ODAD2: variants seen among roughly 807,000 people sequenced by gnomAD.
The protein encoded by ODAD2 is outer dynein arm docking complex subunit 2, also known as outer dynein arm-docking complex subunit 2.
In ODAD2, 89 loss-of-function variants were observed where a neutral mutation model predicts 106.8. The ratio of observed to expected loss-of-function variants is 0.83; its 90% confidence interval spans 0.70 to 0.99. The LOEUF is 0.99. ODAD2 is among the 50% of genes least tolerant of loss of function. The pLI is 0.00. For missense variants in ODAD2, 1,168 were observed against 1,238.5 expected, an observed-to-expected ratio of 0.94 and a Z score of 0.85; for synonymous variants, 404 against 436.2, an observed-to-expected ratio of 0.93 and a Z score of 0.92.
chr10:27,965,613 C>T (rs1024309898), intron 9 of ODAD2, among the ~76,000 whole-genome samples: 5 of 152,114 alleles, frequency 3.3e-5, no homozygotes, highest in African/African-American at 1.2e-4. Flanking sequence ...ATCCAGCCTG[C>T]CACCCCCTGG....
intron 10 of ODAD2, chr10:27,957,530 A>G (rs1033892098): frequency 7.9e-5 from 12 of 152,244 alleles, no homozygotes; most frequent in African/African-American, 2.9e-4. Context: ...TCAGTAAGGT[A>G]GCTGAAAAGG....
intron 17 of ODAD2, among the ~76,000 whole-genome samples, chr10:27,865,005 G>A (rs1220712997): frequency 1.3e-5 from 2 of 152,086 alleles, no homozygotes; most frequent in African/African-American, 2.4e-5. Flanking sequence ...TCAACTGAGT[G>A]ATCATTAGAA....
intron 2 of ODAD2, among the ~76,000 whole-genome samples, chr10:27,988,337 CTT>C (rs5784035): frequency 0.29 from 36,491 of 127,994 alleles, 3,709 homozygotes; most frequent in Middle Eastern, 0.36. Context: ...CCTGATCTAG[CTT>C]TTTTTTTTTT....
At chr10:27,852,124 T>G (rs74127132) in intron 19 of ODAD2, among the ~76,000 whole-genome samples, 2,846 of 152,306 alleles carry the variant, frequency 0.019, 102 homozygotes, top group African/African-American at 0.064. Context: ...TTTTTAGATA[T>G]ATAAGACCTG....
intron 17 of ODAD2, among the ~76,000 whole-genome samples, chr10:27,875,085 C>T (rs942460517): frequency 1.3e-5 from 2 of 152,186 alleles, no homozygotes; most frequent in Non-Finnish European, 2.9e-5. Context: ...AACTTCTCTT[C>T]TCGCTTCATT....
chr10:27,876,944 C>T (rs969949221), intron 17 of ODAD2, among the ~76,000 whole-genome samples: 1 of 152,094 alleles, frequency 6.6e-6, no homozygotes, highest in Non-Finnish European at 1.5e-5. Flanking sequence ...CAGATACTTC[C>T]CCCATTAATT....
At chr10:27,956,718 C>A (rs956555670) in intron 10 of ODAD2, among the ~76,000 whole-genome samples, 38 of 152,202 alleles carry the variant, frequency 2.5e-4, no homozygotes, top group African/African-American at 8.7e-4. Context: ...AAAACCATAC[C>A]CACTCCACCT....
In ODAD2 at chr10:27,908,809, A is replaced by G. The variant is rs530688519; in HGVS notation, c.2496-1032T>C. Among the ~76,000 whole-genome samples the G allele has an allele frequency of 5.3e-5, 8 of 152,282 alleles. No individual in the cohort carries two copies. The South Asian group carries it at 1.7e-3, about 32-fold the overall frequency. On this transcript the variant is annotated intron_variant, in intron 16 of 19. Transcript: ENST00000305242. ...TTTTCAAGTAGGAGATCAGTTTTGCATAACTTTATAAAATTGGTGACGCTG... is the reference window on the plus strand; with the variant it reads ...TTTTCAAGTAGGAGATCAGTTTTGCGTAACTTTATAAAATTGGTGACGCTG...
At chr10:27,894,240 T>C (rs1842728222) in intron 17 of ODAD2, among the ~76,000 whole-genome samples, 1 of 152,144 alleles carries the variant, frequency 6.6e-6, no homozygotes, top group Non-Finnish European at 1.5e-5. Flanking sequence ...TTACAAAATA[T>C]TCATTGAAAA....
chr10:27,877,286 A>G (rs1302628953), intron 17 of ODAD2, among the ~76,000 whole-genome samples: 1 of 152,186 alleles, frequency 6.6e-6, no homozygotes, highest in African/African-American at 2.4e-5. Context: ...CAGCCACAGC[A>G]CTGGGGCCAT....
chr10:27,998,325 C>T (rs999273560), intron 1 of ODAD2, among the ~76,000 whole-genome samples: 1 of 152,132 alleles, frequency 6.6e-6, no homozygotes, highest in African/African-American at 2.4e-5. Flanking sequence ...GGATGACGGC[C>T]CCCACCAGAC....
At chr10:27,915,217 A>G (rs552750778) in intron 16 of ODAD2, among the ~76,000 whole-genome samples, 29 of 152,308 alleles carry the variant, frequency 1.9e-4, no homozygotes, top group Non-Finnish European at 3.4e-4. Context: ...ACCAAAGAAA[A>G]AAAATGCATA....
chr10:27,937,684 T>A (rs1590072951), intron 14 of ODAD2, among the ~76,000 whole-genome samples: 2 of 152,154 alleles, frequency 1.3e-5, no homozygotes, highest in African/African-American at 4.8e-5. Flanking sequence ...TGCCATGTGA[T>A]CCAGATATGT....
At chr10:27,817,881 G>A in intron 19 of ODAD2, among the ~76,000 whole-genome samples, 1 of 151,932 alleles carries the variant, frequency 6.6e-6, no homozygotes. Flanking sequence ...TCAAATGGCT[G>A]TTTACAGACA....
chr10:27,941,222 G>A (rs1334288396), intron 12 of ODAD2, among the ~76,000 whole-genome samples: 1 of 151,862 alleles, frequency 6.6e-6, no homozygotes, highest in Non-Finnish European at 1.5e-5. Flanking sequence ...ACTGGCTCAC[G>A]CCTGTAATCA....
At chr10:27,841,948 G>T (rs928060083) in intron 19 of ODAD2, among the ~76,000 whole-genome samples, 1 of 151,930 alleles carries the variant, frequency 6.6e-6, no homozygotes, top group African/African-American at 2.4e-5. Flanking sequence ...GTGGAGATAG[G>T]GTCTCCCTAT....
intron 17 of ODAD2, among the ~76,000 whole-genome samples, chr10:27,866,989 T>C (rs976598481): frequency 7.2e-5 from 11 of 152,256 alleles, no homozygotes; most frequent in South Asian, 6.2e-4. Flanking sequence ...CTTTTTTTTT[T>C]CTCAAGAAAA....
In ODAD2 at chr10:27,968,923, C is replaced by T. The variant is rs7920186; in HGVS notation, c.1238G>A (p.Arg413Gln). ...CTCGTCTTGCTGACCAGAAACATAC[C>T]GAAGTAATTGTGCTCTTCCGTGTGA... ...SVSHGRAQLL[R>Q]KSAEKIEETV... The change falls in exon 9 of 20, where the codon CGG (arginine) becomes CAG (glutamine). Residue 413 changes from arginine (R) to glutamine (Q), a missense_variant and splice_region_variant. Physicochemically the swap from Arg to Gln is conservative, Grantham distance 43 (BLOSUM62 1). Coordinates refer to ENST00000305242, the MANE Select transcript of ODAD2 (RefSeq NM_018076.5). 66,835 of 603,182 alleles carry T rather than the reference C, an allele frequency of 0.11. 2,965 individuals carry two copies. Among genetic ancestry groups the T allele is most frequent in the African/African-American group, 0.16 (6,993 of 44,810 alleles). The allele number at this position is 603,182 out of a possible 1,614,324, so 37.4% of individuals were successfully genotyped here.
At chr10:27,897,543 C>T (rs1385316605) in intron 17 of ODAD2, among the ~76,000 whole-genome samples, 2 of 152,190 alleles carry the variant, frequency 1.3e-5, no homozygotes, top group African/African-American at 4.8e-5. Context: ...TCCACACTGC[C>T]ATGGTGTTAG....
Sources: allele counts gnomAD v4.1 joint callset (sites outside exome capture counted in the v4.1 genomes callset), GRCh38; gene constraint gnomAD v4.1.1; transcripts MANE v1.5; gene names NCBI Gene and HGNC (gene_info 2026-07-23, HGNC 2026-07-21).